GCFC2: variants seen among roughly 807,000 people sequenced by gnomAD.
GCFC2 encodes the protein GC-rich sequence DNA-binding factor 2, also known as intron Large complex component GCFC2.
Under a neutral mutation model 99.4 loss-of-function variants are expected in GCFC2, and 102 were observed. The observed-to-expected ratio is 1.03, with a 90% CI of 0.87 to 1.21. The LOEUF (loss-of-function observed/expected upper bound fraction) is 1.21, where lower values mean the gene tolerates loss of function less well. Among genes scored for constraint, GCFC2 ranks in the 50% most tolerant of loss-of-function variants. The pLI is 0.00. For missense variants in GCFC2, 973 were observed against 920.9 expected (o/e 1.06, Z -0.73); for synonymous variants, 338 against 316.8 (o/e 1.07, Z -0.71).
chr2:75,669,903 T>G, intron 15 of GCFC2: 1 of 283,038 alleles, frequency 3.5e-6, no homozygotes, highest in South Asian at 5.8e-5. Context: ...TTTTGTATCT[T>G]TAGTAGAGAC....
chr2:75,693,805 C>T (rs1270508293), intron 6 of GCFC2, among the ~76,000 whole-genome samples: 4 of 151,944 alleles, frequency 2.6e-5, no homozygotes, highest in African/African-American at 9.7e-5. Context: ...AAATAATTCA[C>T]AAGCAGAAAA....
In GCFC2 at chr2:75,696,260, T is replaced by G. The variant is rs758715950; in HGVS notation, c.773A>C (p.Asp258Ala). 1 of 1,519,662 alleles carries G rather than the reference T, an allele frequency of 6.6e-7. No homozygotes were observed. The highest frequency in any genetic ancestry group is 9.1e-7 in the Non-Finnish European group (1 of 1,095,178). The allele number at this position is 1,519,662 out of a possible 1,614,324, so 94.1% of individuals were successfully genotyped here. The part of the protein sequence containing the change: ...GNGSSKVKKF[D>A]TSISFPPVNL... ...TACTGGCGGAAATGAAATGGAAGTA[T>G]CAAATTTCTTCACTTTTGAAGATCC... Residue 258 changes from aspartate to alanine, a missense_variant, in exon 5 of 17, where the codon GAT (aspartate) becomes GCT (alanine). Transcript: ENST00000321027.
intron 12 of GCFC2, among the ~76,000 whole-genome samples, chr2:75,674,937 A>G (rs1242633290): frequency 2.0e-5 from 3 of 152,174 alleles, no homozygotes; most frequent in African/African-American, 4.8e-5. Flanking sequence ...AAGAAAAAAA[A>G]GCATTTTCTA....
At chr2:75,700,999 AGGAAGAATT>A (rs1680562887) in intron 4 of GCFC2, among the ~76,000 whole-genome samples, 182 bp downstream of exon 4, 2 of 152,208 alleles carry the variant, frequency 1.3e-5, no homozygotes, top group African/African-American at 4.8e-5. Flanking sequence ...GCAAAAGGCA[AGGAAGAATT>A]ACCGCTCCCC....
At chr2:75,705,239 G>A (rs1213112931) in intron 2 of GCFC2, among the ~76,000 whole-genome samples, 1 of 151,996 alleles carries the variant, frequency 6.6e-6, no homozygotes, top group Non-Finnish European at 1.5e-5. Context: ...TGGCTTAATC[G>A]CTTAGTATTT....
intron 15 of GCFC2, among the ~76,000 whole-genome samples, chr2:75,666,559 T>C (rs916531230): frequency 6.6e-6 from 1 of 152,168 alleles, no homozygotes; most frequent in African/African-American, 2.4e-5. Context: ...TACATTGCCT[T>C]AATTGTAAAG....
chr2:75,679,760 G>A (rs369595252), intron 12 of GCFC2: 3 of 398,638 alleles, frequency 7.5e-6, no homozygotes, highest in East Asian at 3.6e-5. Context: ...AATTTATACC[G>A]GTTCATCTCT....
At chr2:75,699,153 C>CT (rs1680464148) in intron 4 of GCFC2, among the ~76,000 whole-genome samples, 1 of 152,094 alleles carries the variant, frequency 6.6e-6, no homozygotes, top group Non-Finnish European at 1.5e-5. Context: ...TCCAATCTGA[C>CT]TCCAAGGTCT....
At chr2:75,711,549 T>TA (rs1681184024), upstream of GCFC2, among the ~76,000 whole-genome samples, 1 of 152,258 alleles carries the variant, frequency 6.6e-6, no homozygotes, top group Non-Finnish European at 1.5e-5. Flanking sequence ...AAATACTATA[T>TA]AATGTTGAGC....
Position 75,671,995 on chromosome 2 carries a change from T to A in GCFC2, c.1911A>T (p.Ser637=). The change falls in exon 14 of 17, where the codon TCA becomes TCT. Residue 637 remains serine (S), a synonymous_variant. Transcript: ENST00000321027. ...GTCTTTCTTGGAACTTTGAATGAGG[T>A]GATGTTTTGTTTTCTACAGCACTAA... ...YPKSAVENKT[S]PHSKFQERQF... 1 of 1,587,340 alleles carries A rather than the reference T, an allele frequency of 6.3e-7. No individual in the cohort carries two copies. Among genetic ancestry groups the A allele is most frequent in the South Asian group, 1.1e-5 (1 of 90,558 alleles).
intron 2 of GCFC2, 81 bp from the exon 3 acceptor site, chr2:75,702,504 A>G: frequency 8.8e-7 from 1 of 1,132,270 alleles, no homozygotes; most frequent in Non-Finnish European, 1.2e-6. Flanking sequence ...AAAAGAAAAA[A>G]GCACCATTTT....
intron 6 of GCFC2, 135 bp downstream of exon 6, chr2:75,694,106 G>A (rs1260858796): frequency 5.3e-6 from 2 of 380,740 alleles, no homozygotes; most frequent in Admixed American, 9.0e-5. Flanking sequence ...TTAAGAGAAT[G>A]CTATCATCTT....
intron 4 of GCFC2, among the ~76,000 whole-genome samples, chr2:75,697,152 A>G (rs1050980582): frequency 1.3e-5 from 2 of 152,134 alleles, no homozygotes; most frequent in African/African-American, 4.8e-5. Context: ...ATCTTATAAC[A>G]TGGTATGTTT....
At chr2:75,711,296 C>A (rs1013736204), upstream of GCFC2, 55 of 795,714 alleles carry the variant, frequency 6.9e-5, no homozygotes, top group African/African-American at 9.7e-4. Flanking sequence ...AAACGAAACC[C>A]CAGCAGTGTG....
intron 12 of GCFC2, among the ~76,000 whole-genome samples, chr2:75,678,656 G>A (rs1336714258): frequency 6.6e-6 from 1 of 152,186 alleles, no homozygotes; most frequent in East Asian, 1.9e-4. Context: ...TTGGGCTTTA[G>A]AGGCAGACTA....
In GCFC2 at chr2:75,710,728, T is replaced by G; in HGVS notation, c.128A>C (p.Glu43Ala). 1 of 1,556,876 alleles carries G rather than the reference T, an allele frequency of 6.4e-7. No homozygotes were observed. The highest frequency in any genetic ancestry group is 2.4e-5 in the East Asian group (1 of 40,988). The change falls in exon 1 of 17, where the codon GAA (glutamate) becomes GCA (alanine). Residue 43 changes from glutamate to alanine, a missense_variant. By Grantham distance (107) the Glu-to-Ala change is moderately radical. Transcript: ENST00000321027. ...RELPVPGSAE[E>A]EPPSGGGRAQ... is the part of the protein sequence containing the mutation. ...GCGGCCTCCTCCAGAGGGCGGCTCT[T>G]CCTCCGCAGAACCCGGGACCGGAAG...
intron 11 of GCFC2, among the ~76,000 whole-genome samples, chr2:75,685,153 C>A (rs1178179365): frequency 1.3e-5 from 2 of 152,102 alleles, no homozygotes; most frequent in African/African-American, 4.8e-5. Flanking sequence ...CACGTGTACA[C>A]CTATGTAACA....
Position 75,687,817 on chromosome 2 carries a change from G to GAAGC in GCFC2, c.1690+6_1690+9dup. ...AATAATTTAATTTTACCAAGGTTAC[G>GAAGC]AAGCAGTACCTGTAAGTCGGGGAAT... On this transcript the variant is annotated intron_variant, in intron 11 of 16. Coordinates refer to ENST00000321027, the MANE Select transcript of GCFC2 (RefSeq NM_003203.5). 6.3e-7 allele frequency: 1 copy of GAAGC among 1,590,760 alleles called. No individual in the cohort carries two copies. The highest frequency in any genetic ancestry group is 1.1e-5 in the South Asian group (1 of 87,470).
Position 75,689,008 on chromosome 2 carries a change from T to C in GCFC2, c.1539+18A>G. ...CTAATATAATCAGGATAATTTTTCA[T>C]ATGTTAAGCATAAATACCTTAAGAG... On this transcript the variant is annotated intron_variant, in intron 10 of 16. Transcript: ENST00000321027. 7.5e-7 allele frequency: 1 copy of C among 1,325,810 alleles called. No homozygotes were observed. Among genetic ancestry groups the C allele is most frequent in the Non-Finnish European group, 1.1e-6 (1 of 937,756 alleles). 82.1% of individuals were successfully genotyped at this position (1,325,810 alleles called of 1,614,324 possible).
Sources: gnomAD v4.1 joint callset for allele counts (sites outside exome capture counted in the v4.1 genomes callset) on GRCh38, gnomAD v4.1.1 for gene constraint, MANE v1.5 for transcripts, NCBI Gene and HGNC (gene_info 2026-07-23, HGNC 2026-07-21) for gene names.